ITSN1: variants seen among roughly 807,000 people sequenced by gnomAD.
ITSN1 encodes the protein intersectin 1, also known as intersectin-1.
A neutral mutation model predicts 239.8 loss-of-function variants in ITSN1; 58 were observed. The observed-to-expected ratio is 0.24, with a 90% CI of 0.20 to 0.30. The LOEUF (loss-of-function observed/expected upper bound fraction) is 0.30. Among genes scored for constraint, ITSN1 ranks in the 10% least tolerant of loss-of-function variants. The pLI, the probability that ITSN1 is intolerant of heterozygous loss-of-function variation, is 1.00. For missense variants in ITSN1, 1,558 were observed against 2,103.3 expected (o/e 0.74, Z 5.07); for synonymous variants, 780 against 770.8 (o/e 1.01, Z -0.20).
chr21:33,749,877 T>C (rs2067433116), intron 5 of ITSN1, among the ~76,000 whole-genome samples: 1 of 152,220 alleles, frequency 6.6e-6, no homozygotes, highest in African/African-American at 2.4e-5. Context: ...GATTTAATTA[T>C]ATTTGAGCCT....
At chr21:33,817,601 G>T in intron 22 of ITSN1, 1 of 1,294,472 alleles carries the variant, frequency 7.7e-7, no homozygotes, top group South Asian at 1.2e-5. Context: ...TAGTAATACT[G>T]CCCATCTTTA....
chr21:33,854,995 A>G (rs1301991465), intron 29 of ITSN1, among the ~76,000 whole-genome samples: 2 of 152,208 alleles, frequency 1.3e-5, no homozygotes, highest in Non-Finnish European at 2.9e-5. Context: ...AACGGACAAA[A>G]CCAAGGGCTG....
At chr21:33,860,315 GAAAAAAAA>G (rs537916792) in intron 31 of ITSN1, among the ~76,000 whole-genome samples, 2 of 70,306 alleles carry the variant, frequency 2.8e-5, no homozygotes, top group African/African-American at 5.2e-5. Flanking sequence ...CTCAAAAAAA[GAAAAAAAA>G]AAAAAAAAAG....
At chr21:33,842,127 C>T (rs147638430) in intron 29 of ITSN1, among the ~76,000 whole-genome samples, 21 of 152,112 alleles carry the variant, frequency 1.4e-4, no homozygotes, top group African/African-American at 4.8e-4. Flanking sequence ...GATCTCCTGA[C>T]CTTGTGATCC....
At chr21:33,794,541 C>T in intron 17 of ITSN1, 73 bp downstream of exon 17, 1 of 1,534,882 alleles carries the variant, frequency 6.5e-7, no homozygotes, top group South Asian at 1.3e-5. Flanking sequence ...TTGGCTTCTC[C>T]AAGTAGTTAC....
intron 29 of ITSN1, among the ~76,000 whole-genome samples, chr21:33,851,704 T>C (rs1978322860): frequency 1.3e-5 from 2 of 150,764 alleles, no homozygotes; most frequent in South Asian, 4.2e-4. Context: ...CGGCCTGGGC[T>C]CTTTTTTTAA....
chr21:33,700,990 T>TGTG lies in ITSN1; in HGVS notation c.-32-17807_-32-17806insGTG, dbSNP rs1375498602. ...GTGTGTGTGTGTGTGTGTGTGTGTG[T>TGTG]TTTCTTATAGATGTGGTCTCACTCT... On this transcript the variant is annotated intron_variant, in intron 1 of 39. Coordinates refer to ENST00000381318, the MANE Select transcript of ITSN1 (RefSeq NM_003024.3). 9.3e-4 allele frequency among the ~76,000 whole-genome samples: 139 copies of TGTG among 149,452 alleles called. 1 individual carries two copies. Among genetic ancestry groups the TGTG allele is most frequent in the African/African-American group, 3.3e-3 (133 of 40,368 alleles).
chr21:33,693,763 C>T (rs1240610435), intron 1 of ITSN1, among the ~76,000 whole-genome samples: 1 of 152,168 alleles, frequency 6.6e-6, no homozygotes, highest in Non-Finnish European at 1.5e-5. Context: ...CTTACTCTTT[C>T]AGTCAGGGTT....
At chr21:33,665,123 C>T (rs370928387) in intron 1 of ITSN1, among the ~76,000 whole-genome samples, 32 of 152,080 alleles carry the variant, frequency 2.1e-4, no homozygotes, top group Middle Eastern at 3.4e-3. Context: ...ATTAGCTGGG[C>T]GTGGTGGCGG....
At chr21:33,697,658 T>C (rs550635182) in intron 1 of ITSN1, among the ~76,000 whole-genome samples, 2 of 152,210 alleles carry the variant, frequency 1.3e-5, no homozygotes, top group Non-Finnish European at 2.9e-5. Flanking sequence ...AATTTTGATT[T>C]GAAAGGCTCT....
intron 36 of ITSN1, among the ~76,000 whole-genome samples, chr21:33,884,271 G>A (rs1985428576): frequency 6.6e-6 from 1 of 152,058 alleles, no homozygotes; most frequent in African/African-American, 2.4e-5. Flanking sequence ...GGTAAACAGA[G>A]CATCTCAGGT....
intron 20 of ITSN1, among the ~76,000 whole-genome samples, chr21:33,802,681 G>A (rs898574912): frequency 1.3e-5 from 2 of 152,264 alleles, no homozygotes; most frequent in African/African-American, 4.8e-5. Context: ...TGAATGCTCT[G>A]TGTTTGGCAA....
At chr21:33,702,108 T>G (rs544357883) in intron 1 of ITSN1, among the ~76,000 whole-genome samples, 124,056 of 142,280 alleles carry the variant, frequency 0.87, 52,952 homozygotes, top group Non-Finnish European at 0.91. Context: ...TTTTTTTTTT[T>G]TTTTTTTTTT....
intron 1 of ITSN1, among the ~76,000 whole-genome samples, chr21:33,653,861 G>GC (rs924897292): frequency 1.3e-5 from 2 of 151,798 alleles, no homozygotes; most frequent in African/African-American, 4.8e-5. Context: ...TTGTTATATC[G>GC]CCCAGGATGG....
At chr21:33,663,907 G>A (rs879413949) in intron 1 of ITSN1, among the ~76,000 whole-genome samples, 2 of 152,172 alleles carry the variant, frequency 1.3e-5, no homozygotes, top group Admixed American at 1.3e-4. Flanking sequence ...GGCCTCTGAT[G>A]ATTAAATTCT....
chr21:33,677,216 T>C (rs1461244340), intron 1 of ITSN1, among the ~76,000 whole-genome samples: 1 of 152,100 alleles, frequency 6.6e-6, no homozygotes, highest in Admixed American at 6.5e-5. Context: ...TGAGCAAGTA[T>C]GTGGGTATTT....
chr21:33,757,792 A>G (rs1602051602), intron 8 of ITSN1, among the ~76,000 whole-genome samples: 3 of 152,170 alleles, frequency 2.0e-5, no homozygotes, highest in South Asian at 4.1e-4. Context: ...AAAGAAATAT[A>G]TAATTTATAT....
chr21:33,762,939 CG>C lies in ITSN1; in HGVS notation c.788+958del, dbSNP rs2068455626. On this transcript the variant is annotated intron_variant, in intron 9 of 39. Coordinates refer to ENST00000381318, the MANE Select transcript of ITSN1 (RefSeq NM_003024.3). ...TCAGCCTCCCAAAATGCTGAGATTC[CG>C]GGGGTGAGCACTGCGCCTGACCGAC... Among the ~76,000 whole-genome samples, 6 of 152,164 alleles carry C rather than the reference CG, an allele frequency of 3.9e-5. No individual in the cohort carries two copies. In the South Asian group the frequency reaches 1.2e-3, roughly 32 times the overall value.
chr21:33,749,418 G>A (rs779249544), intron 5 of ITSN1, among the ~76,000 whole-genome samples: 2 of 152,138 alleles, frequency 1.3e-5, no homozygotes, highest in Non-Finnish European at 2.9e-5. Context: ...CAAGGCAGGT[G>A]GATCACCTGA....
Sources: gnomAD v4.1 joint callset for allele counts (sites outside exome capture counted in the v4.1 genomes callset) on GRCh38, gnomAD v4.1.1 for gene constraint, MANE v1.5 for transcripts, NCBI Gene and HGNC (gene_info 2026-07-23, HGNC 2026-07-21) for gene names.